Variants in SLC10A7 observed in about 807,000 individuals in gnomAD.
SLC10A7 encodes sodium/bile acid cotransporter 7.
Under a neutral mutation model 43.2 loss-of-function variants are expected in SLC10A7, and 29 were observed. The ratio of observed to expected loss-of-function variants is 0.67; its 90% CI spans 0.50 to 0.92. SLC10A7 has a LOEUF of 0.92. Among genes scored for constraint, SLC10A7 ranks in the 40% least tolerant of loss-of-function variants. The pLI, the probability that SLC10A7 is intolerant of heterozygous loss-of-function variation, is 0.00. For synonymous variants in SLC10A7, 152 were observed against 144.8 expected (o/e 1.05, Z -0.35); for missense variants, 295 against 403.2 (o/e 0.73, Z 2.30).
intron 5 of SLC10A7, among the ~76,000 whole-genome samples, chr4:146,366,027 A>T (rs1009600429): frequency 1.3e-5 from 2 of 152,180 alleles, no homozygotes; most frequent in South Asian, 4.1e-4. Flanking sequence ...TGTGCTCCTT[A>T]TGAGAATCTA....
At position 146,255,383 on chromosome 4, in the gene SLC10A7, T is replaced by C. The variant is rs1262804720; in HGVS notation, c.*1108A>G. On this transcript the variant is annotated 3_prime_UTR_variant, in exon 12 of 12. Transcript: ENST00000335472. The stretch of plus-strand genomic sequence containing the variant: ...CATCTGGAGAGACAGAATGTGTATA[T>C]GTAACATTTGTTTGCATCCATGACC... 6.5e-6 allele frequency: 1 copy of C among 152,798 alleles called. No homozygotes were observed. The highest frequency in any genetic ancestry group is 1.9e-4 in the East Asian group (1 of 5,196). 9.5% of individuals were successfully genotyped at this position (152,798 alleles called of 1,614,324 possible).
At chr4:146,380,207 A>T (rs1221166667) in intron 5 of SLC10A7, among the ~76,000 whole-genome samples, 1 of 152,140 alleles carries the variant, frequency 6.6e-6, no homozygotes, top group African/African-American at 2.4e-5. Flanking sequence ...ACCCTATCAA[A>T]GGCAGAGAAA....
intron 5 of SLC10A7, among the ~76,000 whole-genome samples, chr4:146,346,181 C>A (rs1734609632): frequency 6.6e-6 from 1 of 152,028 alleles, no homozygotes; most frequent in South Asian, 2.1e-4. Context: ...AACTAGGAAG[C>A]TAAGGTACAA....
rs545920927 is a variant in SLC10A7, at chr4:146,361,720, G to T, written c.436-35724C>A. 6.4e-4 allele frequency among the ~76,000 whole-genome samples: 97 copies of T among 152,100 alleles called. 1 individual carries two copies. Among genetic ancestry groups the T allele is most frequent in the Non-Finnish European group, 1.2e-3 (84 of 68,006 alleles). On this transcript the variant is annotated intron_variant, in intron 5 of 11. Transcript: ENST00000335472. ...GCATCAGAAACATCCAGGAAAACAT[G>T]ACATCAACAAACAGACTAAATAAGG...
chr4:146,499,826 T>C (rs1233308305), intron 4 of SLC10A7, among the ~76,000 whole-genome samples: 1 of 152,202 alleles, frequency 6.6e-6, no homozygotes, highest in Non-Finnish European at 1.5e-5. Flanking sequence ...CGTGGAACAT[T>C]AATATAAACA....
At chr4:146,502,711 T>C (rs998416982) in intron 4 of SLC10A7, among the ~76,000 whole-genome samples, 6 of 152,138 alleles carry the variant, frequency 3.9e-5, no homozygotes, top group African/African-American at 1.4e-4. Context: ...GAACACAACA[T>C]AGATGAATTT....
chr4:146,449,794 C>T (rs1259073483), intron 4 of SLC10A7, among the ~76,000 whole-genome samples: 1 of 152,084 alleles, frequency 6.6e-6, no homozygotes, highest in Non-Finnish European at 1.5e-5. Flanking sequence ...AGTATAACTT[C>T]CTATGTTTTA....
chr4:146,337,068 G>T (rs1733940166), intron 5 of SLC10A7, among the ~76,000 whole-genome samples: 1 of 151,936 alleles, frequency 6.6e-6, no homozygotes, highest in Non-Finnish European at 1.5e-5. Flanking sequence ...AGAGCCCAGG[G>T]CAACAGAGAT....
chr4:146,315,085 G>A (rs1200407061), intron 6 of SLC10A7, among the ~76,000 whole-genome samples: 1 of 152,092 alleles, frequency 6.6e-6, no homozygotes, highest in Non-Finnish European at 1.5e-5. Flanking sequence ...GAAAGTATAA[G>A]TTAACTACTA....
At chr4:146,363,588 T>G (rs1232383786) in intron 5 of SLC10A7, among the ~76,000 whole-genome samples, 1 of 152,102 alleles carries the variant, frequency 6.6e-6, no homozygotes, top group African/African-American at 2.4e-5. Context: ...TTTTGAAGAA[T>G]AGACCATGTG....
chr4:146,477,305 G>GA (rs1734111195), intron 4 of SLC10A7, among the ~76,000 whole-genome samples: 1 of 152,196 alleles, frequency 6.6e-6, no homozygotes, highest in Non-Finnish European at 1.5e-5. Flanking sequence ...CTCAGGAAAA[G>GA]CAAGAATAAG....
chr4:146,427,121 AG>A (rs1273478170), intron 5 of SLC10A7, among the ~76,000 whole-genome samples: 3 of 152,092 alleles, frequency 2.0e-5, no homozygotes, highest in African/African-American at 7.2e-5. Context: ...TTCAGAACTA[AG>A]GATTGTAGAC....
At chr4:146,484,255 G>A (rs536512925) in intron 4 of SLC10A7, among the ~76,000 whole-genome samples, 1 of 152,334 alleles carries the variant, frequency 6.6e-6, no homozygotes, top group African/African-American at 2.4e-5. Context: ...TCAGGAGGCT[G>A]AGGCAGAAGG....
intron 5 of SLC10A7, among the ~76,000 whole-genome samples, chr4:146,355,586 A>C (rs1735525139): frequency 6.6e-6 from 1 of 151,872 alleles, no homozygotes; most frequent in South Asian, 2.1e-4. Context: ...AGACACATGC[A>C]CACGTATGTT....
intron 10 of SLC10A7, among the ~76,000 whole-genome samples, chr4:146,278,638 C>A (rs1203590207): frequency 6.6e-6 from 1 of 152,126 alleles, no homozygotes; most frequent in Non-Finnish European, 1.5e-5. Flanking sequence ...CTATTCCTTT[C>A]AAGAACTTAT....
intron 4 of SLC10A7, among the ~76,000 whole-genome samples, chr4:146,454,647 T>C (rs766604997): frequency 7.2e-5 from 11 of 151,878 alleles, no homozygotes; most frequent in Non-Finnish European, 1.5e-4. Context: ...TGTTAAGAAT[T>C]TTAGAGGCTC....
chr4:146,276,397 C>T (rs1432708391), intron 10 of SLC10A7, among the ~76,000 whole-genome samples: 1 of 152,120 alleles, frequency 6.6e-6, no homozygotes, highest in African/African-American at 2.4e-5. Context: ...ATAATTACCA[C>T]ACTGTCCACA....
chr4:146,378,844 C>T (rs1343219978), intron 5 of SLC10A7, among the ~76,000 whole-genome samples: 1 of 152,196 alleles, frequency 6.6e-6, no homozygotes, highest in Non-Finnish European at 1.5e-5. Flanking sequence ...TAGCCCCATC[C>T]TTGGCAACTC....
chr4:146,519,112 TAA>T (rs1491463132), intron 1 of SLC10A7, among the ~76,000 whole-genome samples: 4 of 15,960 alleles, frequency 2.5e-4, no homozygotes, highest in Admixed American at 2.1e-3. Context: ...TATATATATA[TAA>T]TATAATATAT....
Sources: gnomAD v4.1 joint callset for allele counts (sites outside exome capture counted in the v4.1 genomes callset) on GRCh38, gnomAD v4.1.1 for gene constraint, MANE v1.5 for transcripts, NCBI Gene and HGNC (gene_info 2026-07-23, HGNC 2026-07-21) for gene names.